DPYD: variants seen among roughly 807,000 people sequenced by gnomAD.
DPYD encodes dihydropyrimidine dehydrogenase [NADP(+)].
A neutral mutation model predicts 116.2 loss-of-function variants in DPYD; 109 were observed. That is an observed-to-expected ratio of 0.94 (90% CI 0.80 to 1.10). The LOEUF is 1.10. DPYD is among the 50% of genes least tolerant of loss of function. DPYD has a pLI of 0.00. For synonymous variants in DPYD, 440 were observed against 432.0 expected, an observed-to-expected ratio of 1.02 and a Z score of -0.23; for missense variants, 1,302 against 1,254.5, an observed-to-expected ratio of 1.04 and a Z score of -0.57.
At chr1:97,203,365 AT>A (rs1359962908) in intron 19 of DPYD, among the ~76,000 whole-genome samples, 2 of 151,898 alleles carry the variant, frequency 1.3e-5, no homozygotes, top group Non-Finnish European at 2.9e-5. Context: ...GGAAAACTTG[AT>A]TTATCATATC....
At chr1:97,545,213 T>C (rs1003144990) in intron 12 of DPYD, among the ~76,000 whole-genome samples, 2 of 152,208 alleles carry the variant, frequency 1.3e-5, no homozygotes, top group Non-Finnish European at 2.9e-5. Flanking sequence ...TGTGCACCAA[T>C]GTAAATCTTT....
intron 19 of DPYD, among the ~76,000 whole-genome samples, chr1:97,206,519 A>T (rs1570668283): frequency 6.6e-6 from 1 of 150,932 alleles, no homozygotes; most frequent in Non-Finnish European, 1.5e-5. Context: ...CAGAACAAAG[A>T]TTAAAATTCT....
At chr1:97,306,730 A>G (rs900338129) in intron 16 of DPYD, among the ~76,000 whole-genome samples, 24 of 151,978 alleles carry the variant, frequency 1.6e-4, no homozygotes, top group Admixed American at 1.6e-3. Flanking sequence ...TTAAATCTAA[A>G]GCTTGTTTTC....
At chr1:97,746,176 G>C (rs1664541172) in intron 3 of DPYD, among the ~76,000 whole-genome samples, 2 of 152,078 alleles carry the variant, frequency 1.3e-5, no homozygotes, top group African/African-American at 2.4e-5. Flanking sequence ...ATCTTCCTCA[G>C]AGTTTATGGC....
chr1:97,337,601 C>T (rs1347777737), intron 16 of DPYD, among the ~76,000 whole-genome samples: 1 of 152,046 alleles, frequency 6.6e-6, no homozygotes, highest in East Asian at 1.9e-4. Context: ...ACCTCCTAGG[C>T]CTTTTGCTAA....
intron 18 of DPYD, among the ~76,000 whole-genome samples, chr1:97,263,304 T>A (rs1215587019): frequency 6.6e-6 from 1 of 152,112 alleles, no homozygotes; most frequent in African/African-American, 2.4e-5. Context: ...GAAACCCAGA[T>A]AAAATTCTGT....
intron 3 of DPYD, among the ~76,000 whole-genome samples, chr1:97,760,651 T>C (rs914461312): frequency 3.3e-5 from 5 of 152,100 alleles, no homozygotes; most frequent in Non-Finnish European, 7.4e-5. Flanking sequence ...AGAACCTTGG[T>C]GGACGACTAT....
chr1:97,432,566 C>T (rs1307604252), intron 14 of DPYD, among the ~76,000 whole-genome samples: 5 of 151,820 alleles, frequency 3.3e-5, no homozygotes, highest in Non-Finnish European at 7.4e-5. Flanking sequence ...TCTGATAATT[C>T]CAATTCTATG....
At chr1:97,901,580 A>G (rs1161415705) in intron 1 of DPYD, among the ~76,000 whole-genome samples, 1 of 151,866 alleles carries the variant, frequency 6.6e-6, no homozygotes, top group Non-Finnish European at 1.5e-5. Flanking sequence ...CCATATTAAC[A>G]ATTTGTGATT....
chr1:97,355,178 T>C (rs554116653), intron 16 of DPYD, among the ~76,000 whole-genome samples: 11 of 152,234 alleles, frequency 7.2e-5, no homozygotes, highest in African/African-American at 2.6e-4. Flanking sequence ...ATATTTCACT[T>C]TATGTATTCT....
intron 21 of DPYD, among the ~76,000 whole-genome samples, chr1:97,088,403 C>T (rs79078289): frequency 0.017 from 2,654 of 152,308 alleles, 77 homozygotes; most frequent in African/African-American, 0.061. Context: ...CCCCTCATTA[C>T]TTGTCTCTCT....
chr1:97,330,639 G>A (rs1391286834), intron 16 of DPYD, among the ~76,000 whole-genome samples: 1 of 152,172 alleles, frequency 6.6e-6, no homozygotes, highest in Non-Finnish European at 1.5e-5. Context: ...AACAGGGCAA[G>A]GGATGAGGGG....
chr1:97,346,894 G>T (rs941911806), intron 16 of DPYD, among the ~76,000 whole-genome samples: 3 of 151,786 alleles, frequency 2.0e-5, no homozygotes, highest in Non-Finnish European at 1.5e-5. Flanking sequence ...TATATGTTAA[G>T]TGCTTAGAAC....
chr1:97,838,262 C>T (rs1306909434), intron 2 of DPYD, among the ~76,000 whole-genome samples: 1 of 152,132 alleles, frequency 6.6e-6, no homozygotes, highest in Non-Finnish European at 1.5e-5. Flanking sequence ...ATCCAGTTCT[C>T]TAAATACTTT....
At chr1:97,079,285 G>C in intron 22 of DPYD, 139 bp from the exon 23 acceptor site, 1 of 838,738 alleles carries the variant, frequency 1.2e-6, no homozygotes, top group Non-Finnish European at 2.0e-6. Flanking sequence ...TGCAACTATA[G>C]CAACAGTTGA....
At chr1:97,395,371 A>G (rs1185092988) in intron 14 of DPYD, among the ~76,000 whole-genome samples, 1 of 151,798 alleles carries the variant, frequency 6.6e-6, no homozygotes, top group Non-Finnish European at 1.5e-5. Context: ...ACATTATCTC[A>G]TTTATCCCCC....
intron 4 of DPYD, among the ~76,000 whole-genome samples, chr1:97,734,009 T>C (rs1294525335): frequency 6.6e-6 from 1 of 152,084 alleles, no homozygotes; most frequent in African/African-American, 2.4e-5. Context: ...TTTCAGGAGC[T>C]CTTTGAGTAA....
At chr1:97,685,972 A>G (rs1185359977) in intron 7 of DPYD, among the ~76,000 whole-genome samples, 2 of 152,222 alleles carry the variant, frequency 1.3e-5, no homozygotes, top group African/African-American at 4.8e-5. Context: ...CAGAGTTAGA[A>G]AAAACTACTT....
intron 8 of DPYD, among the ~76,000 whole-genome samples, chr1:97,675,805 G>C (rs1258862003): frequency 6.7e-6 from 1 of 150,056 alleles, no homozygotes; most frequent in Non-Finnish European, 1.5e-5. Context: ...CTGGAGTGCA[G>C]TGGTGAGATC....
Sources: allele counts gnomAD v4.1 joint callset (sites outside exome capture counted in the v4.1 genomes callset), GRCh38; gene constraint gnomAD v4.1.1; transcripts MANE v1.5; gene names NCBI Gene and HGNC (gene_info 2026-07-23, HGNC 2026-07-21).